The following EEF2K variants were observed in gnomAD, a reference collection of about 807,000 sequenced individuals.
The protein encoded by EEF2K is eukaryotic elongation factor 2 kinase.
EEF2K carries 70 observed loss-of-function variants against 93.8 expected under a neutral mutation model. The ratio of observed to expected loss-of-function variants is 0.75; its 90% CI spans 0.62 to 0.91. EEF2K has a LOEUF of 0.91. Among genes scored for constraint, EEF2K ranks in the 40% least tolerant of loss-of-function variants. The probability of loss-of-function intolerance (pLI) is 0.00; values close to 1 mark genes in which losing one functional copy is unlikely to be tolerated. For missense variants in EEF2K, 935 were observed against 972.9 expected (o/e 0.96, Z 0.52); for synonymous variants, 376 against 380.8 (o/e 0.99, Z 0.15).
chr16:22,230,043 C>G (rs2047100327), intron 2 of EEF2K, among the ~76,000 whole-genome samples: 2 of 152,110 alleles, frequency 1.3e-5, no homozygotes, highest in Admixed American at 1.3e-4. Context: ...GTCCGGGGGC[C>G]CCTGAAGGGG....
At chr16:22,257,449 T>C in intron 8 of EEF2K, 64 bp downstream of exon 8, 1 of 1,590,598 alleles carries the variant, frequency 6.3e-7, no homozygotes, top group Non-Finnish European at 8.6e-7. Flanking sequence ...CTCTGAGTTC[T>C]TCGTACAGCC....
intron 1 of EEF2K, among the ~76,000 whole-genome samples, chr16:22,213,643 A>T (rs190713777): frequency 6.6e-6 from 1 of 152,340 alleles, no homozygotes; most frequent in Admixed American, 6.5e-5. Context: ...AAGTTCTAAA[A>T]TCTAGGTGTC....
intron 2 of EEF2K, among the ~76,000 whole-genome samples, chr16:22,232,944 C>T (rs2047130524): frequency 6.6e-6 from 1 of 152,054 alleles, no homozygotes; most frequent in Admixed American, 6.6e-5. Flanking sequence ...GCCCGCTGGC[C>T]TCCCTCCAAG....
Position 22,225,765 on chromosome 16 carries a change from C to A in EEF2K, c.36C>A (p.Gly12=). 2 of 1,614,188 alleles carry A rather than the reference C, an allele frequency of 1.2e-6. No homozygotes were observed. The highest frequency in any genetic ancestry group is 1.7e-6 in the Non-Finnish European group (2 of 1,180,040). Residue 12 remains glycine, a synonymous_variant, in exon 2 of 18, where the codon GGC becomes GGA. Coordinates refer to ENST00000263026, the MANE Select transcript of EEF2K (RefSeq NM_013302.5). The part of the protein sequence containing the change: ...ADEDLIFRLE[G]VDGGQSPRAG... ...AAGATCTCATCTTCCGCCTGGAAGG[C>A]GTTGATGGCGGCCAGTCCCCCCGAG...
chr16:22,233,915 C>T (rs889263692), intron 2 of EEF2K, among the ~76,000 whole-genome samples: 3 of 152,128 alleles, frequency 2.0e-5, no homozygotes, highest in Non-Finnish European at 4.4e-5. Flanking sequence ...CCATGCCCAG[C>T]CTGTTGTTGG....
rs200101051 is a variant in EEF2K at position 22,251,325 on chromosome 16, G to T, written c.618+3G>T. ...ATCGGCACAAGCCCCCCAAGCAGGT[G>T]CGTGGCCCCACTACCTGCCCCCTTT... On this transcript the variant is annotated splice_donor_region_variant and intron_variant, in intron 6 of 17. Transcript: ENST00000263026. The T allele has an allele frequency of 1.2e-6, 2 of 1,613,714 alleles. No homozygotes were observed. Among genetic ancestry groups the T allele is most frequent in the Non-Finnish European group, 1.7e-6 (2 of 1,179,888 alleles).
In EEF2K at chr16:22,283,921, G is replaced by A; in HGVS notation, c.2103G>A (p.Met701Ile). 3 of 1,600,964 alleles carry A rather than the reference G, an allele frequency of 1.9e-6. No individual in the cohort carries two copies. Among genetic ancestry groups the A allele is most frequent in the African/African-American group, 1.3e-5 (1 of 74,872 alleles). The change falls in exon 18 of 18, where the codon ATG becomes ATA. Residue 701 changes from methionine (M) to isoleucine (I), a missense_variant. Met to Ile is a conservative substitution (Grantham distance 10). Transcript: ENST00000263026. ...ATACCCAGGCAGCAGAGGCAGCGAT[G>A]GAAGCCATGAAGGGCCGACTGGCCA... is the stretch of plus-strand genomic sequence containing the variant. Reference protein sequence around the residue: ...DLYTQAAEAAMEAMKGRLANQ... With the variant: ...DLYTQAAEAAIEAMKGRLANQ...
At chr16:22,273,127 T>G (rs920115599) in intron 15 of EEF2K, among the ~76,000 whole-genome samples, 2 of 152,330 alleles carry the variant, frequency 1.3e-5, no homozygotes, top group South Asian at 4.1e-4. Context: ...GTCAGTGTTA[T>G]AGCTTAGGCA....
chr16:22,253,000 T>C (rs976299697), intron 6 of EEF2K, among the ~76,000 whole-genome samples: 7 of 152,270 alleles, frequency 4.6e-5, no homozygotes, highest in Admixed American at 2.0e-4. Flanking sequence ...AAGATGAGCT[T>C]TGAGTGGGGA....
chr16:22,258,803 G>A lies in EEF2K; in HGVS notation c.1231+108G>A, dbSNP rs1399218790. ...AAAATCAGACATGCTAATCGAAAAG[G>A]TTCATGGCCCCAGTGGTTTTATAGG... On this transcript the variant is annotated intron_variant, in intron 10 of 17. Transcript: ENST00000263026. 3 of 1,446,500 alleles carry A rather than the reference G, an allele frequency of 2.1e-6. No individual in the cohort carries two copies. In the South Asian group the frequency reaches 3.9e-5, roughly 19 times the overall value. The allele number at this position is 1,446,500 out of a possible 1,614,324, so 89.6% of individuals were successfully genotyped here.
At chr16:22,241,229 G>A (rs1483122418) in intron 2 of EEF2K, among the ~76,000 whole-genome samples, 2 of 152,082 alleles carry the variant, frequency 1.3e-5, no homozygotes, top group African/African-American at 4.8e-5. Context: ...TTTATGTGAT[G>A]TGGATCATAC....
chr16:22,214,658 C>G (rs759031660), intron 1 of EEF2K, among the ~76,000 whole-genome samples: 33 of 151,830 alleles, frequency 2.2e-4, no homozygotes, highest in Non-Finnish European at 3.2e-4. Context: ...GAGCCAGACT[C>G]TCTCAGCAAC....
Position 22,266,799 on chromosome 16 carries a change from G to C in EEF2K, c.1687G>C (p.Glu563Gln). 6.2e-7 allele frequency: 1 copy of C among 1,614,204 alleles called. No homozygotes were observed. The highest frequency in any genetic ancestry group is 1.1e-5 in the South Asian group (1 of 91,082). Residue 563 changes from glutamate (E) to glutamine (Q), a missense_variant, in exon 15 of 18, where the codon GAG becomes CAG. Glu to Gln is a conservative substitution (Grantham distance 29). Transcript: ENST00000263026. The part of the protein sequence containing the change: ...FHLEHAANLG[E>Q]LEAIVGLGLM... ...CCTGGAGCACGCAGCCAACCTGGGCGAGCTGGAGGCCATCGTGGGCCTGGG... is the reference window on the plus strand; with the variant it reads ...CCTGGAGCACGCAGCCAACCTGGGCCAGCTGGAGGCCATCGTGGGCCTGGG...
At chr16:22,257,441 C>CG in intron 8 of EEF2K, 56 bp downstream of exon 8, 7 of 1,596,676 alleles carry the variant, frequency 4.4e-6, no homozygotes, top group Non-Finnish European at 6.0e-6. Context: ...GCTAAAACCT[C>CG]TGAGTTCTTC....
Position 22,266,721 on chromosome 16 carries a change from G to A in EEF2K, c.1609G>A (p.Gly537Arg), listed in dbSNP as rs907785556. 2 of 1,613,562 alleles carry A rather than the reference G, an allele frequency of 1.2e-6. No homozygotes were observed. Among genetic ancestry groups the A allele is most frequent in the African/African-American group, 1.3e-5 (1 of 75,068 alleles). Residue 537 changes from glycine (G) to arginine (R), a missense_variant, in exon 15 of 18, where the codon GGG (glycine) becomes AGG (arginine). Physicochemically the swap from Gly to Arg is moderately radical, Grantham distance 125 (BLOSUM62 -2). Transcript: ENST00000263026. ...GGCCATGGTGCGCTACCACGAGGGT[G>A]GGCGCTTCTGCGAGAAGGGCGAGGA... ...HLAMVRYHEG[G>R]RFCEKGEEWD...
In EEF2K at chr16:22,214,101, T is replaced by A. The variant is rs146868690; in HGVS notation, c.-77+7422T>A. Among the ~76,000 whole-genome samples the A allele has an allele frequency of 1.9e-3, 291 of 152,302 alleles. 2 individuals carry two copies. Among genetic ancestry groups the A allele is most frequent in the Middle Eastern group, 0.014 (4 of 294 alleles). On this transcript the variant is annotated intron_variant, in intron 1 of 17. Coordinates refer to ENST00000263026, the MANE Select transcript of EEF2K (RefSeq NM_013302.5). ...CGAAGTGATTTAGGGAGTCGGGGACTGGAGGATTATTGGGACATAACAGCA... is the reference window on the plus strand; with the variant it reads ...CGAAGTGATTTAGGGAGTCGGGGACAGGAGGATTATTGGGACATAACAGCA...
At chr16:22,232,627 G>A (rs1478614721) in intron 2 of EEF2K, among the ~76,000 whole-genome samples, 3 of 152,144 alleles carry the variant, frequency 2.0e-5, no homozygotes, top group Non-Finnish European at 4.4e-5. Context: ...CTCCAGTGTC[G>A]TTCTTTGTTT....
rs1002858675 is a variant in EEF2K at position 22,257,527 on chromosome 16, T to C, written c.902-116T>C. The C allele has an allele frequency of 3.2e-6, 5 of 1,546,038 alleles. No homozygotes were observed. In the African/African-American group the frequency reaches 6.8e-5, roughly 21 times the overall value. On this transcript the variant is annotated intron_variant, in intron 8 of 17. Coordinates refer to ENST00000263026, the MANE Select transcript of EEF2K (RefSeq NM_013302.5). Reference sequence around the variant, plus strand: ...TGGAGATGGGAGCCTGGATGTCTGATGCCTCCCAGCTTGGCACGTTTTATA... The same window carrying C: ...TGGAGATGGGAGCCTGGATGTCTGACGCCTCCCAGCTTGGCACGTTTTATA...
intron 15 of EEF2K, among the ~76,000 whole-genome samples, chr16:22,268,657 A>C (rs1326584169): frequency 6.6e-6 from 1 of 150,778 alleles, no homozygotes. Flanking sequence ...TTTAATTTTT[A>C]AATATAAAAA....
Sources: gnomAD v4.1 joint callset for allele counts (sites outside exome capture counted in the v4.1 genomes callset) on GRCh38, gnomAD v4.1.1 for gene constraint, MANE v1.5 for transcripts, NCBI Gene and HGNC (gene_info 2026-07-23, HGNC 2026-07-21) for gene names.